Variants in PTPRD observed in about 807,000 individuals in gnomAD.
PTPRD encodes the protein protein tyrosine phosphatase receptor type D, also known as receptor-type tyrosine-protein phosphatase delta.
A neutral mutation model predicts 214.5 loss-of-function variants in PTPRD; 34 were observed. That is an observed-to-expected ratio of 0.16 (90% CI 0.12 to 0.21). The LOEUF (loss-of-function observed/expected upper bound fraction) is 0.21, where lower values mean the gene tolerates loss of function less well. PTPRD is among the 10% of genes least tolerant of loss of function. The pLI is 1.00. For missense variants in PTPRD, 2,545 were observed against 2,398.7 expected, an observed-to-expected ratio of 1.06 and a Z score of -1.27; for synonymous variants, 1,128 against 845.7, an observed-to-expected ratio of 1.33 and a Z score of -5.79.
At chr9:8,626,303 T>C (rs1187418079) in intron 14 of PTPRD, among the ~76,000 whole-genome samples, 2 of 151,868 alleles carry the variant, frequency 1.3e-5, no homozygotes, top group Non-Finnish European at 2.9e-5. Flanking sequence ...TCCTTTGTAA[T>C]TTTCAGCTCA....
intron 9 of PTPRD, among the ~76,000 whole-genome samples, chr9:9,385,478 A>C (rs2140526067): frequency 6.6e-6 from 1 of 152,316 alleles, no homozygotes; most frequent in South Asian, 2.1e-4. Flanking sequence ...AACCTGGGTC[A>C]GTAATCACAG....
At chr9:10,346,944 T>G (rs1330356506) in intron 2 of PTPRD, among the ~76,000 whole-genome samples, 1 of 152,244 alleles carries the variant, frequency 6.6e-6, no homozygotes, top group Non-Finnish European at 1.5e-5. Flanking sequence ...TATAGTTTTA[T>G]GAGCTGCATA....
At position 9,722,469 on chromosome 9, in the gene PTPRD, A is replaced by G. The variant is rs115288302; in HGVS notation, c.-287+12064T>C. Among the ~76,000 whole-genome samples the G allele has an allele frequency of 5.5e-3, 841 of 152,206 alleles. 5 individuals carry two copies. Among genetic ancestry groups the G allele is most frequent in the African/African-American group, 0.019 (799 of 41,568 alleles). The stretch of plus-strand genomic sequence containing the variant: ...CCATATTTAAAAAATTTATTCATCA[A>G]TTGATGGACATTGTGATTGTTTCTA... On this transcript the variant is annotated intron_variant, in intron 7 of 45. Coordinates refer to ENST00000381196, the MANE Select transcript of PTPRD (RefSeq NM_002839.4).
At chr9:8,782,808 C>T (rs915459040) in intron 11 of PTPRD, among the ~76,000 whole-genome samples, 3 of 152,010 alleles carry the variant, frequency 2.0e-5, no homozygotes, top group Admixed American at 2.0e-4. Flanking sequence ...GTTGGTCAGG[C>T]TGGTCTCGAA....
intron 2 of PTPRD, among the ~76,000 whole-genome samples, chr9:10,489,518 G>C (rs1192816945): frequency 6.6e-6 from 1 of 152,050 alleles, no homozygotes; most frequent in Non-Finnish European, 1.5e-5. Context: ...TTCAGCACTA[G>C]GACTCACCTA....
chr9:10,378,568 G>A lies in PTPRD; in HGVS notation c.-599-37551C>T, dbSNP rs189454792. ...AGTTTTCCAAGAATCATTTATTGAA[G>A]AGACTGTCTTTCCCCTCAGTATGTT... On this transcript the variant is annotated intron_variant, in intron 2 of 45. Coordinates refer to ENST00000381196, the MANE Select transcript of PTPRD (RefSeq NM_002839.4). Among the ~76,000 whole-genome samples, 24 of 152,032 alleles carry A rather than the reference G, an allele frequency of 1.6e-4. No individual in the cohort carries two copies. The East Asian group carries it at 2.0e-3, about 12-fold the overall frequency.
In PTPRD at chr9:10,518,567, C is replaced by T. The variant is rs542208355; in HGVS notation, c.-600+93831G>A. Among the ~76,000 whole-genome samples the T allele has an allele frequency of 1.5e-4, 22 of 151,594 alleles. No homozygotes were observed. The East Asian group carries it at 4.3e-3, about 30-fold the overall frequency. On this transcript the variant is annotated intron_variant, in intron 2 of 45. Transcript: ENST00000381196. ...TTTTTTTTTGAGACGGAGTCTCGCA[C>T]TGTCACCCAGGCTGGAGTGCAGCGG...
chr9:8,453,572 G>C (rs1337810162), intron 33 of PTPRD, among the ~76,000 whole-genome samples: 1 of 152,224 alleles, frequency 6.6e-6, no homozygotes. Flanking sequence ...GGATACTAGA[G>C]ATGTCCACAC....
chr9:8,811,669 A>C (rs1600580289), intron 11 of PTPRD, among the ~76,000 whole-genome samples: 1 of 152,162 alleles, frequency 6.6e-6, no homozygotes, highest in Non-Finnish European at 1.5e-5. Context: ...TCAACTATTA[A>C]AAGTATATAT....
chr9:9,167,328 T>TTGTGTG (rs147430665), intron 10 of PTPRD, among the ~76,000 whole-genome samples: 245 of 145,690 alleles, frequency 1.7e-3, no homozygotes, highest in African/African-American at 4.8e-3. Context: ...TATATGGGGT[T>TTGTGTG]TGTGTGTGTG....
chr9:9,289,110 C>T (rs1192732551), intron 9 of PTPRD, among the ~76,000 whole-genome samples: 1 of 151,706 alleles, frequency 6.6e-6, no homozygotes, highest in Non-Finnish European at 1.5e-5. Flanking sequence ...TACTGAAAAA[C>T]ACATGGGCTA....
chr9:8,882,511 G>A, intron 11 of PTPRD, among the ~76,000 whole-genome samples: 1 of 152,100 alleles, frequency 6.6e-6, no homozygotes, highest in Non-Finnish European at 1.5e-5. Flanking sequence ...TATAGGTTCA[G>A]AACCTTTATA....
intron 8 of PTPRD, among the ~76,000 whole-genome samples, chr9:9,455,040 C>T (rs10119835): frequency 0.85 from 128,691 of 151,468 alleles, 54,760 homozygotes; most frequent in Middle Eastern, 0.94. Flanking sequence ...TTTATCTATC[C>T]CCATTTCCTG....
intron 9 of PTPRD, among the ~76,000 whole-genome samples, chr9:9,309,145 A>G (rs1017616720): frequency 6.6e-6 from 1 of 152,114 alleles, no homozygotes; most frequent in African/African-American, 2.4e-5. Flanking sequence ...TTATTTTATC[A>G]TGAAGTTCAT....
intron 14 of PTPRD, among the ~76,000 whole-genome samples, chr9:8,586,990 A>T (rs943607994): frequency 2.0e-5 from 3 of 152,136 alleles, no homozygotes; most frequent in African/African-American, 7.2e-5. Flanking sequence ...TACTAAAAAT[A>T]CAAAAAATTA....
chr9:8,657,274 T>C (rs1024550267), intron 12 of PTPRD, among the ~76,000 whole-genome samples: 1 of 151,628 alleles, frequency 6.6e-6, no homozygotes, highest in African/African-American at 2.4e-5. Flanking sequence ...TTCAAGTGAT[T>C]CTCTTGCCTC....
chr9:9,272,860 G>C (rs1437294700), intron 9 of PTPRD, among the ~76,000 whole-genome samples: 2 of 151,264 alleles, frequency 1.3e-5, no homozygotes, highest in Admixed American at 6.6e-5. Flanking sequence ...TGAGCTCAAA[G>C]AAGTGCCCTG....
chr9:10,285,722 T>C (rs2095327273), intron 3 of PTPRD, among the ~76,000 whole-genome samples: 1 of 149,718 alleles, frequency 6.7e-6, no homozygotes, highest in Admixed American at 6.8e-5. Context: ...GCCATTCTCC[T>C]GCCTCAGCCT....
At chr9:8,839,561 G>C (rs1473922910) in intron 11 of PTPRD, among the ~76,000 whole-genome samples, 2 of 152,102 alleles carry the variant, frequency 1.3e-5, no homozygotes, top group Non-Finnish European at 2.9e-5. Context: ...CTGACCTCAA[G>C]TGATCCACCC....
Sources: gnomAD v4.1 joint callset for allele counts (sites outside exome capture counted in the v4.1 genomes callset) on GRCh38, gnomAD v4.1.1 for gene constraint, MANE v1.5 for transcripts, NCBI Gene and HGNC (gene_info 2026-07-23, HGNC 2026-07-21) for gene names.